The following MUC12 variants were observed in gnomAD, a reference collection of about 807,000 sequenced individuals.
The protein encoded by MUC12 is mucin-12.
In MUC12, 172 loss-of-function variants were observed where a neutral mutation model predicts 230.8. The observed-to-expected ratio is 0.75, with a 90% confidence interval of 0.66 to 0.85. The LOEUF (loss-of-function observed/expected upper bound fraction) is 0.85. Ranked by LOEUF, MUC12 falls within the 40% of genes least tolerant of loss-of-function variation. MUC12 has a pLI of 0.00. For synonymous variants in MUC12, 1,259 were observed against 2,401.9 expected, an observed-to-expected ratio of 0.52 and a Z score of 13.91; for missense variants, 3,506 against 5,920.6, an observed-to-expected ratio of 0.59 and a Z score of 13.38.
chr7:101,016,672 C>A (rs1212548747), intron 10 of MUC12, among the ~76,000 whole-genome samples: 1 of 124,318 alleles, frequency 8.0e-6, no homozygotes, highest in Non-Finnish European at 1.7e-5. Context: ...GCAGGGAGAC[C>A]AGGTGGAGGA....
intron 2 of MUC12, among the ~76,000 whole-genome samples, chr7:101,006,093 G>A (rs959751694): frequency 5.9e-5 from 9 of 152,042 alleles, no homozygotes; most frequent in South Asian, 2.1e-4. Context: ...CCACCGCGCC[G>A]GGCCTCCTTC....
At chr7:100,985,233 G>A (rs959976807) in intron 1 of MUC12, among the ~76,000 whole-genome samples, 3 of 152,242 alleles carry the variant, frequency 2.0e-5, no homozygotes, top group African/African-American at 7.2e-5. Context: ...GATTGCAAAG[G>A]GATGAAATCA....
chr7:100,981,239 G>A (rs1408775686), intron 1 of MUC12: 3 of 405,728 alleles, frequency 7.4e-6, no homozygotes, highest in African/African-American at 4.1e-5. Context: ...TGACCCTGGA[G>A]GTTGAACTGG....
At position 100,991,852 on chromosome 7, in the gene MUC12, T is replaced by A. The variant is rs1163382486; in HGVS notation, c.1289T>A (p.Ile430Asn). 3.9e-6 allele frequency: 6 copies of A among 1,536,680 alleles called. No individual in the cohort carries two copies. The highest frequency in any genetic ancestry group is 5.2e-6 in the Non-Finnish European group (6 of 1,146,606). The change falls in exon 2 of 12, where the codon ATC becomes AAC. Residue 430 changes from isoleucine (I) to asparagine (N), a missense_variant. Physicochemically the swap from Ile to Asn is moderately radical, Grantham distance 149. Transcript: ENST00000536621. Reference sequence around the variant, plus strand: ...ACACACTTCCGTGATAGCTCCACAATCTCAGGCCGTAGTGAGGAATCAAAA... The same window carrying A: ...ACACACTTCCGTGATAGCTCCACAAACTCAGGCCGTAGTGAGGAATCAAAA... ...ETTHFRDSST[I>N]SGRSEESKAS...
intron 1 of MUC12, chr7:100,972,821 T>G (rs1792934945): frequency 1.5e-6 from 1 of 689,112 alleles, no homozygotes; most frequent in African/African-American, 1.8e-5. Flanking sequence ...TCTGTAGCTT[T>G]TCTTCCTACT....
At position 100,990,945 on chromosome 7, in the gene MUC12, A is replaced by G; in HGVS notation, c.382A>G (p.Thr128Ala). Reference sequence around the variant, plus strand: ...GGAAACAACAGCGTTACCTGGCAGTACCACAACAGCAGGCCTGAGTGAGAA... The same window carrying G: ...GGAAACAACAGCGTTACCTGGCAGTGCCACAACAGCAGGCCTGAGTGAGAA... ...SMETTALPGS[T>A]TTAGLSEKST... is the part of the protein sequence containing the mutation. Residue 128 changes from threonine to alanine, a missense_variant, in exon 2 of 12, where the codon ACC becomes GCC. Coordinates refer to ENST00000536621, the MANE Select transcript of MUC12 (RefSeq NM_001164462.2). The G allele has an allele frequency of 6.5e-7, 1 of 1,537,924 alleles. No individual in the cohort carries two copies. Among genetic ancestry groups the G allele is most frequent in the Non-Finnish European group, 8.7e-7 (1 of 1,147,054 alleles).
In MUC12 at chr7:101,014,145, G is replaced by A. The variant is rs1793880647; in HGVS notation, c.15800+71G>A. The A allele has an allele frequency of 2.8e-6, 4 of 1,429,294 alleles. No homozygotes were observed. In the East Asian group the frequency reaches 7.6e-5, roughly 27 times the overall value. The allele number at this position is 1,429,294 out of a possible 1,614,324, so 88.5% of individuals were successfully genotyped here. A position where few individuals can be genotyped will look rare whatever the true frequency, so the allele number is the denominator to read the frequency against. On this transcript the variant is annotated intron_variant, in intron 9 of 11. Transcript: ENST00000536621. Reference sequence around the variant, plus strand: ...ATCCTGGGGTGGCCACTGTCTGAATGTCCTAAGGCTCTGCTCCTTCCAGGC... The same window carrying A: ...ATCCTGGGGTGGCCACTGTCTGAATATCCTAAGGCTCTGCTCCTTCCAGGC...
In MUC12 at chr7:101,004,703, T is replaced by C. The variant is rs1276987736; in HGVS notation, c.14140T>C (p.Phe4714Leu). The change falls in exon 2 of 12, where the codon TTC becomes CTC. Residue 4714 changes from phenylalanine to leucine, a missense_variant. Transcript: ENST00000536621. Reference protein sequence around the residue: ...TSGRIAESTTFYISPGSMETT... With the variant: ...TSGRIAESTTLYISPGSMETT... ...AGGCCGCATTGCAGAATCTACCACC[T>C]TCTATATCTCTCCAGGCTCAATGGA... is the stretch of plus-strand genomic sequence containing the variant. The C allele has an allele frequency of 6.5e-7, 1 of 1,537,700 alleles. No individual in the cohort carries two copies. The highest frequency in any genetic ancestry group is 1.4e-5 in the African/African-American group (1 of 73,000).
chr7:100,981,881 T>TC (rs900547003), intron 1 of MUC12, among the ~76,000 whole-genome samples: 1 of 150,324 alleles, frequency 6.7e-6, no homozygotes, highest in African/African-American at 2.4e-5. Flanking sequence ...TTTTTTTTTT[T>TC]TTTGAGACGG....
Position 100,992,601 on chromosome 7 carries a change from T to A in MUC12, c.2038T>A (p.Ser680Thr). The change falls in exon 2 of 12, where the codon TCA becomes ACA. Residue 680 changes from serine to threonine, a missense_variant. Coordinates refer to ENST00000536621, the MANE Select transcript of MUC12 (RefSeq NM_001164462.2). ...CCACATTTCTGCCCGCTCCACAACC[T>A]CAGGCCTCGTTGAAGAATCTACGAC... ...TTHISARSTTSGLVEESTTYH... is the reference protein window; with the variant it reads ...TTHISARSTTTGLVEESTTYH... 6.5e-7 allele frequency: 1 copy of A among 1,537,788 alleles called. No individual in the cohort carries two copies. The highest frequency in any genetic ancestry group is 2.4e-5 in the East Asian group (1 of 40,926).
At position 101,004,368 on chromosome 7, in the gene MUC12, C is replaced by G. The variant is rs1330372569; in HGVS notation, c.13805C>G (p.Ser4602Cys). The G allele has an allele frequency of 3.4e-6, 5 of 1,451,222 alleles. No homozygotes were observed. The highest frequency in any genetic ancestry group is 2.6e-5 in the East Asian group (1 of 38,886). 89.9% of individuals were successfully genotyped at this position (1,451,222 alleles called of 1,614,324 possible). A position where few individuals can be genotyped will look rare whatever the true frequency, so the allele number is the denominator to read the frequency against. Residue 4602 changes from serine to cysteine, a missense_variant, in exon 2 of 12, where the codon TCT becomes TGT. Transcript: ENST00000536621. ...RSTTSGLVEE[S>C]TAYHSSPGST... ...ACAACCTCAGGCCTCGTTGAAGAAT[C>G]TACGGCGTACCACAGCAGCCCGGGC...
rs1003956483 is a variant in MUC12 at position 101,005,481 on chromosome 7, C to T, written c.14918C>T (p.Thr4973Ile). The T allele has an allele frequency of 9.8e-6, 15 of 1,537,650 alleles. No individual in the cohort carries two copies. The highest frequency in any genetic ancestry group is 1.2e-5 in the Non-Finnish European group (14 of 1,146,926). ...CACACCAGTCCAAGCTTCACTTCTACAATTGTGTCTACTGAAAGCCTGGAA... is the reference window on the plus strand; with the variant it reads ...CACACCAGTCCAAGCTTCACTTCTATAATTGTGTCTACTGAAAGCCTGGAA... ...TFHTSPSFTS[T>I]IVSTESLETL... The change falls in exon 2 of 12, where the codon ACA becomes ATA. Residue 4973 changes from threonine (T) to isoleucine (I), a missense_variant. Thr to Ile is a moderately conservative substitution (Grantham distance 89). Coordinates refer to ENST00000536621, the MANE Select transcript of MUC12 (RefSeq NM_001164462.2).
In MUC12 at chr7:101,005,416, T is replaced by G. The variant is rs770965748; in HGVS notation, c.14853T>G (p.Ser4951Arg). The change falls in exon 2 of 12, where the codon AGT (serine) becomes AGG (arginine). Residue 4951 changes from serine (S) to arginine (R), a missense_variant. Ser to Arg is a moderately radical substitution (Grantham distance 110). Transcript: ENST00000536621. ...CTTACACAACACTCTTTCCTGCGAG[T>G]TCCAGCACATCAGGCCTCACTGAGG... ...SPTYTTLFPA[S>R]SSTSGLTEES... The G allele has an allele frequency of 2.3e-5, 35 of 1,537,654 alleles. No homozygotes were observed. In the South Asian group the frequency reaches 4.0e-4, roughly 18 times the overall value.
chr7:101,005,017 T>G lies in MUC12; in HGVS notation c.14454T>G (p.Phe4818Leu). Residue 4818 changes from phenylalanine to leucine, a missense_variant, in exon 2 of 12, where the codon TTT becomes TTG. Coordinates refer to ENST00000536621, the MANE Select transcript of MUC12 (RefSeq NM_001164462.2). ...CTGGCAGCATCACAACTTCATCTTT[T>G]GCTCAAGAATTTACCACCCCTCATA... is the stretch of plus-strand genomic sequence containing the variant. The part of the protein sequence containing the change: ...LSPGSITTSS[F>L]AQEFTTPHSQ... The G allele has an allele frequency of 6.5e-7, 1 of 1,537,670 alleles. No individual in the cohort carries two copies. Among genetic ancestry groups the G allele is most frequent in the Non-Finnish European group, 8.7e-7 (1 of 1,147,008 alleles).
intron 1 of MUC12, among the ~76,000 whole-genome samples, chr7:100,979,988 GCGCTCCAGTCTGGGGGCAC>G (rs1399722692): frequency 1.1e-4 from 16 of 151,768 alleles, no homozygotes; most frequent in Non-Finnish European, 1.5e-5. Flanking sequence ...TCTCACCACT[GCGCTCCAGTCTGGGGGCAC>G]ATTGAGAACT....
In MUC12 at chr7:100,990,797, T is replaced by A; in HGVS notation, c.234T>A (p.Ser78Arg). 2.0e-6 allele frequency: 3 copies of A among 1,537,764 alleles called. No individual in the cohort carries two copies. Among genetic ancestry groups the A allele is most frequent in the Non-Finnish European group, 2.6e-6 (3 of 1,147,020 alleles). The stretch of plus-strand genomic sequence containing the variant: ...ACAGCTCCACAAACTCAGGCCACAG[T>A]GAGGAATCAACAGTATCCCACAGCG... ...FLDSSTNSGH[S>R]EESTVSHSGP... Residue 78 changes from serine (S) to arginine (R), a missense_variant, in exon 2 of 12, where the codon AGT (serine) becomes AGA (arginine). Transcript: ENST00000536621.
At chr7:101,006,041 A>G (rs1344733854) in intron 2 of MUC12, among the ~76,000 whole-genome samples, 1 of 151,822 alleles carries the variant, frequency 6.6e-6, no homozygotes, top group East Asian at 1.9e-4. Flanking sequence ...CAAGTGATCC[A>G]CCCACCTCAG....
At chr7:100,974,114 G>A (rs75865733) in intron 1 of MUC12, among the ~76,000 whole-genome samples, 5 of 149,584 alleles carry the variant, frequency 3.3e-5, no homozygotes, top group South Asian at 2.1e-4. Flanking sequence ...GCACCATTAC[G>A]CTTCAGCCTG....
At chr7:100,973,308 G>A (rs1792950887) in intron 1 of MUC12, among the ~76,000 whole-genome samples, 1 of 120,316 alleles carries the variant, frequency 8.3e-6, no homozygotes, top group Non-Finnish European at 1.8e-5. Context: ...TTAACTGGGA[G>A]AGGAGCCTCT....
Sources: gnomAD v4.1 joint callset for allele counts (sites outside exome capture counted in the v4.1 genomes callset) on GRCh38, gnomAD v4.1.1 for gene constraint, MANE v1.5 for transcripts, NCBI Gene and HGNC (gene_info 2026-07-23, HGNC 2026-07-21) for gene names.